The following PCDHGB1 variants were observed in gnomAD, a reference collection of about 807,000 sequenced individuals.
PCDHGB1 encodes the protein protocadherin gamma subfamily B, 1.
A neutral mutation model predicts 56.6 loss-of-function variants in PCDHGB1; 34 were observed. The observed-to-expected ratio is 0.60, with a 90% CI of 0.46 to 0.80. The LOEUF is 0.80. Among genes scored for constraint, PCDHGB1 ranks in the 30% least tolerant of loss-of-function variants. The pLI is 0.00. For missense variants in PCDHGB1, 1,278 were observed against 1,204.6 expected (o/e 1.06, Z -0.90); for synonymous variants, 561 against 505.9 (o/e 1.11, Z -1.46).
chr5:141,496,144 T>C (rs1478887814), intron 2 of PCDHGB1, among the ~76,000 whole-genome samples: 1 of 151,780 alleles, frequency 6.6e-6, no homozygotes, highest in Non-Finnish European at 1.5e-5. Context: ...GAGCCTTTGA[T>C]CGCAGCTCTC....
In PCDHGB1 at chr5:141,352,426, C is replaced by T. The variant is rs1759009835; in HGVS notation, c.2166C>T (p.Cys722=). The change falls in exon 1 of 4, where the codon TGC becomes TGT. Residue 722 remains cysteine, a synonymous_variant. Transcript: ENST00000523390. ...CCTCCAGCCTCGACACTGAGGGCTG[C>T]TTTCAAACCGGTCTCTGCTCCAAGT... ...RRSSSLDTEG[C]FQTGLCSKSG... 1 of 1,614,080 alleles carries T rather than the reference C, an allele frequency of 6.2e-7. No individual in the cohort carries two copies. Among genetic ancestry groups the T allele is most frequent in the Non-Finnish European group, 8.5e-7 (1 of 1,179,904 alleles).
rs982627903 is a variant in PCDHGB1, at chr5:141,421,421, T to C, written c.2409+68752T>C. ...CCCCGGGAGCTGGCGAAGCGCGGAGTCCGCATCGTCTCCAGAGGGAAGACA... is the reference window on the plus strand; with the variant it reads ...CCCCGGGAGCTGGCGAAGCGCGGAGCCCGCATCGTCTCCAGAGGGAAGACA... On this transcript the variant is annotated intron_variant, in intron 1 of 3. Coordinates refer to ENST00000523390, the MANE Select transcript of PCDHGB1 (RefSeq NM_018922.3). The C allele has an allele frequency of 6.2e-7, 1 of 1,613,994 alleles. No individual in the cohort carries two copies. The highest frequency in any genetic ancestry group is 1.3e-5 in the African/African-American group (1 of 75,052).
intron 1 of PCDHGB1, chr5:141,427,221 T>C (rs1312743800): frequency 2.2e-6 from 1 of 456,628 alleles, no homozygotes; most frequent in Non-Finnish European, 4.4e-6. Context: ...TCGTAGCAGT[T>C]ATACCATGAG....
In PCDHGB1 at chr5:141,432,112, C is replaced by T; in HGVS notation, c.2410-62695C>T. ...CAGACACCAACGACAACCCGCCGGT[C>T]TTCCCTCAGGCCTCCTATTCCGCTT... On this transcript the variant is annotated intron_variant, in intron 1 of 3. Transcript: ENST00000523390. The surrounding 1 kb of genome is among the most constrained non-coding windows in gnomAD (Gnocchi z 6.0). 1 of 1,614,186 alleles carries T rather than the reference C, an allele frequency of 6.2e-7. No individual in the cohort carries two copies. The highest frequency in any genetic ancestry group is 8.5e-7 in the Non-Finnish European group (1 of 1,180,042).
chr5:141,388,118 C>G (rs771996326), intron 1 of PCDHGB1: 1 of 1,412,700 alleles, frequency 7.1e-7, no homozygotes, highest in African/African-American at 1.4e-5. Flanking sequence ...TCACCGTGAG[C>G]GCAGAGAGCG....
chr5:141,357,723 T>A (rs979364296), intron 1 of PCDHGB1: 3 of 1,391,112 alleles, frequency 2.2e-6, no homozygotes, highest in Non-Finnish European at 2.9e-6. Flanking sequence ...AAGTTGCCTC[T>A]TTTAATATTT....
intron 2 of PCDHGB1, among the ~76,000 whole-genome samples, chr5:141,504,713 G>A (rs1443171981): frequency 1.3e-5 from 2 of 151,850 alleles, no homozygotes; most frequent in African/African-American, 2.4e-5. Context: ...TATGGCCGTG[G>A]ATTTTACTCT....
chr5:141,386,848 A>G (rs1458200403), intron 1 of PCDHGB1, among the ~76,000 whole-genome samples: 1 of 152,186 alleles, frequency 6.6e-6, no homozygotes, highest in East Asian at 1.9e-4. Flanking sequence ...TAATCACTAA[A>G]CTCAGTGAGC....
intron 1 of PCDHGB1, chr5:141,439,888 A>G (rs2098137228): frequency 6.6e-6 from 1 of 152,384 alleles, no homozygotes. Context: ...TCTGGGTAGA[A>G]CCAAGGCGAC....
At position 141,409,941 on chromosome 5, in the gene PCDHGB1, G is replaced by C. The variant is rs757414302; in HGVS notation, c.2409+57272G>C. ...TCCGCGTTCTTCGATATGGTACCTC[G>C]CTCTGCAGAGCCCGGCTACCTAGTG... On this transcript the variant is annotated intron_variant, in intron 1 of 3. Transcript: ENST00000523390. 1.9e-6 allele frequency: 3 copies of C among 1,613,226 alleles called. No homozygotes were observed. In the South Asian group the frequency reaches 3.3e-5, roughly 18 times the overall value.
At chr5:141,400,203 G>C in intron 1 of PCDHGB1, 1 of 1,613,996 alleles carries the variant, frequency 6.2e-7, no homozygotes, top group Non-Finnish European at 8.5e-7. Flanking sequence ...TGGTGGCCTT[G>C]GCCTTGATCT....
chr5:141,439,652 T>G (rs1047430832), intron 1 of PCDHGB1, among the ~76,000 whole-genome samples: 1 of 152,208 alleles, frequency 6.6e-6, no homozygotes, highest in African/African-American at 2.4e-5. Context: ...GTGGCTTTTC[T>G]AATTTCATGG....
intron 1 of PCDHGB1, among the ~76,000 whole-genome samples, chr5:141,438,591 CATATAT>C (rs946798767): frequency 1.2e-3 from 91 of 75,538 alleles, no homozygotes; most frequent in Non-Finnish European, 1.7e-3. Flanking sequence ...TACATACATA[CATATAT>C]ATATATATAT....
chr5:141,400,448 A>G (rs750585724), intron 1 of PCDHGB1: 1 of 1,614,078 alleles, frequency 6.2e-7, no homozygotes, highest in Non-Finnish European at 8.5e-7. Flanking sequence ...TCAGGACAAG[A>G]CATACTTTGT....
intron 1 of PCDHGB1, among the ~76,000 whole-genome samples, chr5:141,362,811 T>G (rs920763792): frequency 6.6e-6 from 1 of 152,256 alleles, no homozygotes; most frequent in African/African-American, 2.4e-5. Context: ...ACATTACTTC[T>G]CTCTGCAGAT....
chr5:141,374,326 C>T (rs1343594345), intron 1 of PCDHGB1: 6 of 1,613,980 alleles, frequency 3.7e-6, no homozygotes, highest in East Asian at 4.5e-5. Context: ...ATCCGCGAAA[C>T]GGCAGCTTGG....
At position 141,487,681 on chromosome 5, in the gene PCDHGB1, T is replaced by C. The variant is rs754032560; in HGVS notation, c.2410-7126T>C. The stretch of plus-strand genomic sequence containing the variant: ...CTGATCCAGGCATATGGCTAGGCCA[T>C]GTCCTAGAGAGTACTGGCCTCTCAG... On this transcript the variant is annotated intron_variant, in intron 1 of 3. Coordinates refer to ENST00000523390, the MANE Select transcript of PCDHGB1 (RefSeq NM_018922.3). The surrounding 1 kb of genome is among the most constrained non-coding windows in gnomAD (Gnocchi z 5.0). 1.1e-5 allele frequency: 18 copies of C among 1,608,852 alleles called. No individual in the cohort carries two copies. The highest frequency in any genetic ancestry group is 4.5e-5 in the East Asian group (2 of 44,816).
chr5:141,419,123 A>G (rs2096330317), intron 1 of PCDHGB1: 1 of 1,613,766 alleles, frequency 6.2e-7, no homozygotes, highest in African/African-American at 1.3e-5. Context: ...CAACGTCACC[A>G]TCGCAGCCAC....
chr5:141,425,714 A>G (rs1259037833), intron 1 of PCDHGB1, among the ~76,000 whole-genome samples: 1 of 152,218 alleles, frequency 6.6e-6, no homozygotes, highest in African/African-American at 2.4e-5. Context: ...AAATTTTCCC[A>G]TACCACTTGA....
Sources: allele counts gnomAD v4.1 joint callset (sites outside exome capture counted in the v4.1 genomes callset), GRCh38; gene constraint gnomAD v4.1.1; non-coding constraint Gnocchi (gnomAD v3.1); transcripts MANE v1.5; gene names NCBI Gene and HGNC (gene_info 2026-07-23, HGNC 2026-07-21).